Variants in ADGRA3 observed in about 807,000 individuals in gnomAD.
ADGRA3 encodes the protein G-protein coupled receptor 125.
ADGRA3 carries 56 observed loss-of-function variants against 119.8 expected under a neutral mutation model. The observed-to-expected ratio is 0.47, with a 90% CI of 0.38 to 0.58. The LOEUF is 0.58. Among genes scored for constraint, ADGRA3 ranks in the 20% least tolerant of loss-of-function variants. The probability of loss-of-function intolerance (pLI) is 0.00; values close to 1 mark genes in which losing one functional copy is unlikely to be tolerated. For synonymous variants in ADGRA3, 607 were observed against 623.8 expected, an observed-to-expected ratio of 0.97 and a Z score of 0.40; for missense variants, 1,516 against 1,649.0, an observed-to-expected ratio of 0.92 and a Z score of 1.40.
At chr4:22,400,436 T>A (rs1451879017) in intron 16 of ADGRA3, among the ~76,000 whole-genome samples, 1 of 152,014 alleles carries the variant, frequency 6.6e-6, no homozygotes. Context: ...AATAAGTAAG[T>A]CAATGAAGGA....
intron 1 of ADGRA3, among the ~76,000 whole-genome samples, chr4:22,512,656 G>A (rs529977924): frequency 6.6e-6 from 1 of 152,236 alleles, no homozygotes; most frequent in South Asian, 2.1e-4. Context: ...AGGCAGATGC[G>A]GAGACTTAAG....
At chr4:22,463,361 C>T (rs1205422749) in intron 2 of ADGRA3, among the ~76,000 whole-genome samples, 4 of 152,162 alleles carry the variant, frequency 2.6e-5, no homozygotes, top group South Asian at 2.1e-4. Context: ...TGGAAGTAGA[C>T]CCTGGACCAC....
chr4:22,450,527 A>G (rs1277017290), intron 4 of ADGRA3, among the ~76,000 whole-genome samples: 1 of 152,136 alleles, frequency 6.6e-6, no homozygotes, highest in Non-Finnish European at 1.5e-5. Flanking sequence ...CAGCCTCCAA[A>G]GTGCTGGGAT....
intron 16 of ADGRA3, among the ~76,000 whole-genome samples, chr4:22,400,235 T>C (rs867308312): frequency 6.6e-6 from 1 of 152,240 alleles, no homozygotes; most frequent in Middle Eastern, 3.4e-3. Context: ...CTCAAAGAGA[T>C]ACCTGCACTC....
At chr4:22,418,804 A>G (rs915402548) in intron 12 of ADGRA3, among the ~76,000 whole-genome samples, 1 of 152,126 alleles carries the variant, frequency 6.6e-6, no homozygotes, top group African/African-American at 2.4e-5. Context: ...CCTGTTCTGC[A>G]GGCACCAGGC....
intron 1 of ADGRA3, among the ~76,000 whole-genome samples, chr4:22,513,463 TTTAATTGATCC>T (rs1358978767): frequency 6.6e-6 from 1 of 151,912 alleles, no homozygotes; most frequent in Non-Finnish European, 1.5e-5. Flanking sequence ...GCAGAACAGC[TTTAATTGATCC>T]TTAATTGTAT....
chr4:22,419,355 C>T (rs940664923), intron 12 of ADGRA3, among the ~76,000 whole-genome samples: 5 of 152,016 alleles, frequency 3.3e-5, no homozygotes, highest in African/African-American at 4.8e-5. Context: ...ACATTTTATG[C>T]CATTAACATT....
intron 1 of ADGRA3, among the ~76,000 whole-genome samples, chr4:22,505,966 A>G (rs1719221678): frequency 6.6e-6 from 1 of 152,214 alleles, no homozygotes; most frequent in African/African-American, 2.4e-5. Context: ...TTTAGGATAC[A>G]AATTTAGGAA....
Position 22,455,810 on chromosome 4 carries a change from C to A in ADGRA3, c.402-873G>T, listed in dbSNP as rs1416232206. 5.4e-6 allele frequency: 7 copies of A among 1,288,236 alleles called. No individual in the cohort carries two copies. The Admixed American group carries it at 9.2e-5, about 17-fold the overall frequency. The allele number at this position is 1,288,236 out of a possible 1,614,324, so 79.8% of individuals were successfully genotyped here. On this transcript the variant is annotated intron_variant, in intron 3 of 18. Coordinates refer to ENST00000334304, the MANE Select transcript of ADGRA3 (RefSeq NM_145290.4). ...CCACTGACAATATCTGTAACTTACA[C>A]CTGGCATGGCATGACTCGCATCATT...
chr4:22,402,864 T>C, intron 14 of ADGRA3, 65 bp from the exon 15 acceptor site: 1 of 1,512,916 alleles, frequency 6.6e-7, no homozygotes, highest in South Asian at 1.3e-5. Context: ...CTGAGATTTT[T>C]TTGAGTGACG....
chr4:22,402,559 A>G (rs1217208704), intron 15 of ADGRA3, 116 bp downstream of exon 15: 2 of 1,016,132 alleles, frequency 2.0e-6, no homozygotes, highest in East Asian at 4.9e-5. Flanking sequence ...TAAAGTCATC[A>G]TCCTTACTTT....
rs764939986 is a variant in ADGRA3 at position 22,402,712 on chromosome 4, G to T, written c.2320C>A (p.Leu774Ile). ...ATGTAACTGACAATGACGGCTAAGAGACATAAGAGGAGAATGATAGCGGTA... is the reference window on the plus strand; with the variant it reads ...ATGTAACTGACAATGACGGCTAAGATACATAAGAGGAGAATGATAGCGGTA... Reference protein sequence around the residue: ...YTTAIILLLCLLAVIVSYIYH... With the variant: ...YTTAIILLLCILAVIVSYIYH... Residue 774 changes from leucine (L) to isoleucine (I), a missense_variant, in exon 15 of 19, where the codon CTC (leucine) becomes ATC (isoleucine). By Grantham distance (5) the Leu-to-Ile change is conservative. Around this residue, in one of 2 missense-constraint regions of ADGRA3, gnomAD observed 1,088 missense variants for 1,107.1 expected, o/e 0.98. Transcript: ENST00000334304. The T allele has an allele frequency of 3.1e-6, 5 of 1,613,728 alleles. No homozygotes were observed. The South Asian group carries it at 5.5e-5, about 18-fold the overall frequency.
chr4:22,451,528 T>C (rs1052499177), intron 4 of ADGRA3, among the ~76,000 whole-genome samples: 3 of 152,006 alleles, frequency 2.0e-5, no homozygotes, highest in Non-Finnish European at 2.9e-5. Context: ...GAGATCAATA[T>C]ATAGAATTAA....
At chr4:22,460,994 T>C (rs772649696) in intron 3 of ADGRA3, among the ~76,000 whole-genome samples, 2 of 152,214 alleles carry the variant, frequency 1.3e-5, no homozygotes, top group African/African-American at 2.4e-5. Flanking sequence ...GTATAGGAGA[T>C]AGGGGAGTTG....
At chr4:22,509,274 G>A (rs1234636857) in intron 1 of ADGRA3, among the ~76,000 whole-genome samples, 4 of 151,936 alleles carry the variant, frequency 2.6e-5, no homozygotes, top group African/African-American at 9.7e-5. Flanking sequence ...AGGCCGAGGC[G>A]GGCAGATCAC....
At chr4:22,515,299 A>C (rs372596755) in intron 1 of ADGRA3, 3 of 399,690 alleles carry the variant, frequency 7.5e-6, no homozygotes, top group African/African-American at 4.2e-5. Context: ...AGAACCCGAA[A>C]ACTTTACTTT....
intron 1 of ADGRA3, among the ~76,000 whole-genome samples, chr4:22,493,825 T>C (rs917890856): frequency 6.6e-6 from 1 of 152,030 alleles, no homozygotes; most frequent in Non-Finnish European, 1.5e-5. Context: ...CGGCATAAGA[T>C]ACAGGTCATA....
chr4:22,413,456 T>A, intron 13 of ADGRA3, 66 bp from the exon 14 acceptor site: 2 of 1,437,692 alleles, frequency 1.4e-6, no homozygotes, highest in Admixed American at 3.4e-5. Context: ...AATGTCAACT[T>A]CTACAGTAAT....
In ADGRA3 at chr4:22,450,719, T is replaced by C. The variant is rs148989211; in HGVS notation, c.474-3208A>G. Among the ~76,000 whole-genome samples the C allele has an allele frequency of 5.8e-3, 879 of 152,180 alleles. 2 individuals are homozygous for C. The highest frequency in any genetic ancestry group is 9.4e-3 in the Non-Finnish European group (642 of 68,006). ...GCAGATTTGGTAAAGGAAGGGGAAA[T>C]GCAATTAAATGCAATCTCCATCTAC... On this transcript the variant is annotated intron_variant, in intron 4 of 18. Transcript: ENST00000334304.
Sources: gnomAD v4.1 joint callset for allele counts (sites outside exome capture counted in the v4.1 genomes callset) on GRCh38, gnomAD v4.1.1 for gene constraint, gnomAD v4.1.1 regional missense constraint, MANE v1.5 for transcripts, NCBI Gene and HGNC (gene_info 2026-07-23, HGNC 2026-07-21) for gene names.